The following PES1 variants were observed in gnomAD, a reference collection of about 807,000 sequenced individuals.
PES1 encodes pescadillo homolog.
A neutral mutation model predicts 77.1 loss-of-function variants in PES1; 31 were observed. The ratio of observed to expected loss-of-function variants is 0.40; its 90% confidence interval spans 0.30 to 0.54. PES1 has a LOEUF of 0.54. Ranked by LOEUF, PES1 falls within the 20% of genes least tolerant of loss-of-function variation. PES1 has a pLI of 0.45. For synonymous variants in PES1, 282 were observed against 303.0 expected (o/e 0.93, Z 0.72); for missense variants, 658 against 771.7 (o/e 0.85, Z 1.75).
intron 9 of PES1, 25 bp from the exon 10 acceptor site, chr22:30,580,726 G>C: frequency 6.2e-7 from 1 of 1,611,726 alleles, no homozygotes; most frequent in Non-Finnish European, 8.5e-7. Flanking sequence ...GCCAGGCCTC[G>C]CACCACCAGG....
chr22:30,603,531 G>C (rs1430921824), intron 2 of PES1, among the ~76,000 whole-genome samples: 1 of 151,740 alleles, frequency 6.6e-6, no homozygotes, highest in Non-Finnish European at 1.5e-5. Context: ...ACAGGCACAT[G>C]CCACCATGCC....
chr22:30,581,669 G>C (rs781725133), intron 6 of PES1, 25 bp from the exon 7 acceptor site: 2 of 1,515,318 alleles, frequency 1.3e-6, no homozygotes, highest in Non-Finnish European at 9.2e-7. Flanking sequence ...AGATGCATGA[G>C]CAGTGTGGGT....
At chr22:30,595,199 C>T (rs151306890), upstream of PES1, among the ~76,000 whole-genome samples, 889 of 152,094 alleles carry the variant, frequency 5.8e-3, 15 homozygotes, top group African/African-American at 0.02. Flanking sequence ...GGGAAAGGGT[C>T]TGGGTAAGTC....
intron 10 of PES1, 35 bp downstream of exon 10, chr22:30,580,536 A>T: frequency 6.2e-7 from 1 of 1,612,510 alleles, no homozygotes; most frequent in Non-Finnish European, 8.5e-7. Flanking sequence ...GCATGGCCGA[A>T]CCAATGCTGT....
intron 9 of PES1, 107 bp from the exon 10 acceptor site, chr22:30,580,808 C>G: frequency 6.5e-7 from 1 of 1,531,758 alleles, no homozygotes; most frequent in Non-Finnish European, 8.9e-7. Context: ...ATCCTGGATC[C>G]TGCCTTCAAA....
At chr22:30,600,849 T>G (rs2087344093) in intron 2 of PES1, among the ~76,000 whole-genome samples, 1 of 152,088 alleles carries the variant, frequency 6.6e-6, no homozygotes, top group Non-Finnish European at 1.5e-5. Context: ...GGGGATGGGC[T>G]CCATTAAATG....
intron 2 of PES1, chr22:30,605,408 A>C (rs1004811837): frequency 1.0e-6 from 1 of 977,724 alleles, no homozygotes; most frequent in Non-Finnish European, 1.2e-6. Flanking sequence ...TCGACACCCT[A>C]ACTACCTTGG....
upstream of PES1, among the ~76,000 whole-genome samples, chr22:30,596,846 C>T (rs1271995154): frequency 1.7e-4 from 26 of 152,284 alleles, no homozygotes; most frequent in East Asian, 5.8e-4. Flanking sequence ...CCTCAGCCTG[C>T]GGGGAGGTGT....
In PES1 at chr22:30,578,865, A is replaced by T; in HGVS notation, c.1655T>A (p.Met552Lys). ...TCGGATTTTTCGCCTCTTGCCAAAC[A>T]TGATCTTCTGGTACAGGTACTTCTC... ...KREKYLYQKIMFGKRRKIREA... is the reference protein window; with the variant it reads ...KREKYLYQKIKFGKRRKIREA... Residue 552 changes from methionine to lysine, a missense_variant, in exon 14 of 15, where the codon ATG (methionine) becomes AAG (lysine). Physicochemically the swap from Met to Lys is moderately conservative, Grantham distance 95. Transcript: ENST00000354694. 6.2e-7 allele frequency: 1 copy of T among 1,612,586 alleles called. No individual in the cohort carries two copies. The highest frequency in any genetic ancestry group is 8.5e-7 in the Non-Finnish European group (1 of 1,180,026).
intron 2 of PES1, among the ~76,000 whole-genome samples, chr22:30,588,638 C>T (rs1310507434): frequency 1.3e-5 from 2 of 152,116 alleles, no homozygotes; most frequent in East Asian, 3.9e-4. Context: ...CAAACATTAG[C>T]CAGGCACGGT....
chr22:30,594,847 G>T (rs1286895472), upstream of PES1, among the ~76,000 whole-genome samples: 1 of 152,046 alleles, frequency 6.6e-6, no homozygotes, highest in Non-Finnish European at 1.5e-5. Flanking sequence ...GTGGTAGTGT[G>T]TACCTGTGGT....
chr22:30,587,689 T>G (rs2087112991), intron 3 of PES1, among the ~76,000 whole-genome samples: 1 of 152,096 alleles, frequency 6.6e-6, no homozygotes, highest in Non-Finnish European at 1.5e-5. Context: ...AGCAGCTCCG[T>G]TTTTCAACTG....
At chr22:30,591,927 AC>A, upstream of PES1, 1 of 1,467,752 alleles carries the variant, frequency 6.8e-7, no homozygotes, top group Non-Finnish European at 9.0e-7. Context: ...GACCCTCCCC[AC>A]CCCACGCTGT....
rs373442709 is a variant in PES1, at chr22:30,591,527, G to T, written c.24+283C>A. The stretch of plus-strand genomic sequence containing the variant: ...TTTATCACCCTTTCGGTAAATAGTG[G>T]TCCCACGGCTCGGCCTGCTTTTGGA... On this transcript the variant is annotated intron_variant, in intron 1 of 14. Coordinates refer to ENST00000354694, the MANE Select transcript of PES1 (RefSeq NM_014303.4). Among the ~76,000 whole-genome samples the T allele has an allele frequency of 5.3e-5, 8 of 152,262 alleles. 1 individual carries two copies. The South Asian group carries it at 1.7e-3, about 32-fold the overall frequency.
rs199910242 is a variant in PES1 at position 30,605,694 on chromosome 22, C to G, written c.-717-177G>C. ...CTCCCCACTGGCCTCCCTCCTTCCT[C>G]AGAACCTCCAGGGGTGCTCCTCCTA... On this transcript the variant is annotated intron_variant, in intron 1 of 16. Coordinates refer to the PES1 transcript ENST00000402281. 3.9e-5 allele frequency among the ~76,000 whole-genome samples: 6 copies of G among 152,320 alleles called. No individual in the cohort carries two copies. In the East Asian group the frequency reaches 1.2e-3, roughly 29 times the overall value.
At chr22:30,585,708 T>C (rs1452693346) in intron 4 of PES1, among the ~76,000 whole-genome samples, 2 of 19,394 alleles carry the variant, frequency 1.0e-4, no homozygotes, top group Non-Finnish European at 2.0e-4. Context: ...TGGTCAGGGG[T>C]TGGGGGGAGT....
At chr22:30,580,965 A>C (rs757416031) in intron 9 of PES1, 47 bp downstream of exon 9, 4 of 1,525,778 alleles carry the variant, frequency 2.6e-6, no homozygotes, top group Non-Finnish European at 3.6e-6. Flanking sequence ...GAAACCCCCC[A>C]CACGACCCCT....
Position 30,581,090 on chromosome 22 carries a change from G to T in PES1, c.834C>A (p.Ala278=), listed in dbSNP as rs2086978572. 6.2e-7 allele frequency: 1 copy of T among 1,608,118 alleles called. No individual in the cohort carries two copies. The highest frequency in any genetic ancestry group is 8.5e-7 in the Non-Finnish European group (1 of 1,177,934). Residue 278 remains alanine, a synonymous_variant, in exon 9 of 15, where the codon GCC becomes GCA. Coordinates refer to ENST00000354694, the MANE Select transcript of PES1 (RefSeq NM_014303.4). The stretch of plus-strand genomic sequence containing the variant: ...CCACGCGGGCCAGGCTGGCACTGAG[G>T]GCTGCCAGTTTCTACAGGAGAGAAG... ...DSESCMEKLA[A]LSASLARVVV...
At chr22:30,579,573 C>T in intron 12 of PES1, 178 bp downstream of exon 12, 2 of 701,378 alleles carry the variant, frequency 2.9e-6, no homozygotes, top group East Asian at 2.7e-5. Flanking sequence ...TCCTGAACGT[C>T]AAATAACACC....
Sources: gnomAD v4.1 joint callset for allele counts (sites outside exome capture counted in the v4.1 genomes callset) on GRCh38, gnomAD v4.1.1 for gene constraint, MANE v1.5 for transcripts, NCBI Gene and HGNC (gene_info 2026-07-23, HGNC 2026-07-21) for gene names.